Variants in TET1 observed in about 807,000 individuals in gnomAD.
TET1 encodes the protein methylcytosine dioxygenase TET1.
A neutral mutation model predicts 148.7 loss-of-function variants in TET1; 13 were observed. The observed-to-expected ratio is 0.09, with a 90% CI of 0.06 to 0.14. TET1 has a LOEUF of 0.14. Ranked by LOEUF, TET1 falls within the 10% of genes least tolerant of loss-of-function variation. The probability of loss-of-function intolerance (pLI) is 1.00; values close to 1 mark genes in which losing one functional copy is unlikely to be tolerated. For synonymous variants in TET1, 907 were observed against 937.2 expected, an observed-to-expected ratio of 0.97 and a Z score of 0.59; for missense variants, 2,182 against 2,553.8, an observed-to-expected ratio of 0.85 and a Z score of 3.14.
At chr10:68,617,532 TG>T (rs2054311057) in intron 3 of TET1, among the ~76,000 whole-genome samples, 1 of 152,200 alleles carries the variant, frequency 6.6e-6, no homozygotes, top group Non-Finnish European at 1.5e-5. Context: ...TGAGGATCTT[TG>T]TTTTTTTTGT....
At chr10:68,639,669 C>T (rs916621976) in intron 3 of TET1, among the ~76,000 whole-genome samples, 7 of 152,040 alleles carry the variant, frequency 4.6e-5, no homozygotes, top group African/African-American at 1.7e-4. Flanking sequence ...CTATGTCACC[C>T]AGGCTGGTTT....
chr10:68,594,801 A>C (rs1426868013), intron 2 of TET1, among the ~76,000 whole-genome samples: 4 of 152,062 alleles, frequency 2.6e-5, no homozygotes, highest in Non-Finnish European at 4.4e-5. Flanking sequence ...CAACATAGTG[A>C]AACCCTAACT....
intron 2 of TET1, among the ~76,000 whole-genome samples, chr10:68,580,313 A>ATTTTTTTTTTTTTTTTTTTTTTT (rs1163318028): frequency 1.7e-5 from 1 of 60,400 alleles, no homozygotes; most frequent in Non-Finnish European, 2.9e-5. Context: ...ATTATATTCA[A>ATTTTTTTTTTTTTTTTTTTTTTT]TTTTTTTTTT....
intron 10 of TET1, among the ~76,000 whole-genome samples, chr10:68,683,406 G>A (rs918785504): frequency 2.6e-5 from 4 of 152,130 alleles, no homozygotes; most frequent in East Asian, 1.9e-4. Context: ...AGCCTCCCAA[G>A]TAGCTGGGGC....
intron 8 of TET1, among the ~76,000 whole-genome samples, chr10:68,678,718 C>CAG: frequency 6.6e-6 from 1 of 151,762 alleles, no homozygotes; most frequent in African/African-American, 2.4e-5. Context: ...CCACTGCACC[C>CAG]CCCCACACAC....
At chr10:68,580,795 A>AT (rs1232133553) in intron 2 of TET1, among the ~76,000 whole-genome samples, 68 of 139,600 alleles carry the variant, frequency 4.9e-4, no homozygotes, top group African/African-American at 1.7e-3. Context: ...AAAAAAAAAA[A>AT]AAAAAAAAAA....
intron 6 of TET1, among the ~76,000 whole-genome samples, chr10:68,655,991 C>T (rs1054568756): frequency 3.9e-5 from 6 of 152,010 alleles, no homozygotes; most frequent in African/African-American, 1.5e-4. Flanking sequence ...GACTGCAAAC[C>T]CTGTTGTCAA....
In TET1 at chr10:68,648,418, G is replaced by T. The variant is rs139448018; in HGVS notation, c.4276+1413G>T. Reference sequence around the variant, plus strand: ...AAATTCAATAGATTGTGTCATTAAAGTTCGTTAGGCTGCTTGAAGCCCCAT... The same window carrying T: ...AAATTCAATAGATTGTGTCATTAAATTTCGTTAGGCTGCTTGAAGCCCCAT... On this transcript the variant is annotated intron_variant, in intron 4 of 11. Coordinates refer to ENST00000373644, the MANE Select transcript of TET1 (RefSeq NM_030625.3). Among the ~76,000 whole-genome samples, 17 of 152,322 alleles carry T rather than the reference G, an allele frequency of 1.1e-4. No homozygotes were observed. In the East Asian group the frequency reaches 2.7e-3, roughly 24 times the overall value.
chr10:68,563,880 C>T (rs56219010), intron 1 of TET1, among the ~76,000 whole-genome samples: 1 of 152,108 alleles, frequency 6.6e-6, no homozygotes. Flanking sequence ...TGGGGTTTTA[C>T]TATATTGGCC....
At chr10:68,574,556 G>A (rs551742185) in intron 2 of TET1, among the ~76,000 whole-genome samples, 2 of 152,282 alleles carry the variant, frequency 1.3e-5, no homozygotes, top group South Asian at 2.1e-4. Context: ...TGTATGAAAT[G>A]TGTTTTTGCA....
chr10:68,579,675 CAA>C (rs1461179408), intron 2 of TET1, among the ~76,000 whole-genome samples: 1 of 152,156 alleles, frequency 6.6e-6, no homozygotes, highest in East Asian at 1.9e-4. Context: ...AGAAATAGAG[CAA>C]AACTTTCAGG....
chr10:68,650,366 G>A (rs769503946), intron 4 of TET1, among the ~76,000 whole-genome samples: 6 of 151,988 alleles, frequency 3.9e-5, no homozygotes, highest in Admixed American at 3.3e-4. Context: ...AAGTAGGCTG[G>A]GTGCCGTGAC....
intron 2 of TET1, among the ~76,000 whole-genome samples, chr10:68,584,514 G>A (rs908588511): frequency 6.6e-6 from 1 of 151,070 alleles, no homozygotes; most frequent in African/African-American, 2.4e-5. Flanking sequence ...TTCGAGACCA[G>A]CCTGGCCAAC....
chr10:68,635,510 T>C (rs1321433416), intron 3 of TET1, among the ~76,000 whole-genome samples: 8 of 152,214 alleles, frequency 5.3e-5, no homozygotes, highest in Admixed American at 2.6e-4. Context: ...TACATGTTAT[T>C]ACTAGCTCTG....
intron 3 of TET1, among the ~76,000 whole-genome samples, chr10:68,605,502 T>C (rs1305596831): frequency 6.6e-6 from 1 of 152,154 alleles, no homozygotes; most frequent in African/African-American, 2.4e-5. Context: ...TTATAAATTG[T>C]TTTTATTGAA....
At chr10:68,570,117 T>C (rs1489135690) in intron 1 of TET1, among the ~76,000 whole-genome samples, 3 of 152,236 alleles carry the variant, frequency 2.0e-5, no homozygotes, top group Admixed American at 1.3e-4. Context: ...TTTTTTCTTT[T>C]TTTTTGAGAT....
At chr10:68,640,673 T>C (rs2054737634) in intron 3 of TET1, among the ~76,000 whole-genome samples, 1 of 141,060 alleles carries the variant, frequency 7.1e-6, no homozygotes, top group South Asian at 2.5e-4. Flanking sequence ...TGCCTCAGCC[T>C]CCCAAGTAGC....
chr10:68,633,725 C>T (rs926024241), intron 3 of TET1, among the ~76,000 whole-genome samples: 4 of 152,124 alleles, frequency 2.6e-5, no homozygotes, highest in African/African-American at 9.7e-5. Flanking sequence ...GCCACGGTGC[C>T]CAGCCCTGGG....
chr10:68,614,734 C>T (rs1259920857), intron 3 of TET1, among the ~76,000 whole-genome samples: 1 of 152,100 alleles, frequency 6.6e-6, no homozygotes, highest in Non-Finnish European at 1.5e-5. Context: ...GCTGGGATTA[C>T]AGGTGTATGC....
Sources: gnomAD v4.1 joint callset for allele counts (sites outside exome capture counted in the v4.1 genomes callset) on GRCh38, gnomAD v4.1.1 for gene constraint, MANE v1.5 for transcripts, NCBI Gene and HGNC (gene_info 2026-07-23, HGNC 2026-07-21) for gene names.